Variants in CHCHD6 observed in about 807,000 individuals in gnomAD.
The protein encoded by CHCHD6 is MICOS complex subunit MIC25.
Under a neutral mutation model 32.3 loss-of-function variants are expected in CHCHD6, and 28 were observed. The ratio of observed to expected loss-of-function variants is 0.87; its 90% confidence interval spans 0.64 to 1.19. The LOEUF is 1.19. Ranked by LOEUF, CHCHD6 falls within the 50% of genes most tolerant of loss-of-function variation. The pLI is 0.00. For missense variants in CHCHD6, 333 were observed against 307.0 expected (o/e 1.08, Z -0.63); for synonymous variants, 122 against 117.5 (o/e 1.04, Z -0.25).
chr3:126,807,092 A>C (rs1939426896), intron 4 of CHCHD6, among the ~76,000 whole-genome samples: 1 of 150,890 alleles, frequency 6.6e-6, no homozygotes, highest in African/African-American at 2.4e-5. Context: ...CGATATACCT[A>C]ATGCTAAATG....
chr3:126,873,990 G>A (rs967339897), intron 5 of CHCHD6, among the ~76,000 whole-genome samples: 11 of 152,208 alleles, frequency 7.2e-5, no homozygotes, highest in South Asian at 2.1e-4. Context: ...TTGAAAGGGC[G>A]GGAAGATTTC....
At chr3:126,854,397 G>A (rs903542346) in intron 5 of CHCHD6, among the ~76,000 whole-genome samples, 62 of 152,298 alleles carry the variant, frequency 4.1e-4, no homozygotes, top group African/African-American at 1.5e-3. Context: ...TCAGGAAATG[G>A]AGATTGGTGT....
chr3:126,750,901 C>A (rs966333016), intron 4 of CHCHD6, among the ~76,000 whole-genome samples: 1 of 152,214 alleles, frequency 6.6e-6, no homozygotes, highest in Non-Finnish European at 1.5e-5. Flanking sequence ...TGGCTATGGG[C>A]CCTGCCTTTG....
chr3:126,852,779 T>G, intron 5 of CHCHD6, 49 bp downstream of exon 5: 1 of 1,287,852 alleles, frequency 7.8e-7, no homozygotes, highest in South Asian at 1.2e-5. Context: ...CCTAAAGGCA[T>G]CTGACCAGAA....
chr3:126,841,600 T>C (rs1056039563), intron 4 of CHCHD6, among the ~76,000 whole-genome samples: 4 of 152,130 alleles, frequency 2.6e-5, no homozygotes, highest in African/African-American at 9.7e-5. Context: ...TCTAGTGCCT[T>C]AGTACTCAAA....
chr3:126,884,123 G>A (rs1029183183), intron 5 of CHCHD6, among the ~76,000 whole-genome samples: 2 of 152,112 alleles, frequency 1.3e-5, no homozygotes, highest in African/African-American at 4.8e-5. Flanking sequence ...GCCTTGACTG[G>A]GACACAGCTG....
At position 126,896,911 on chromosome 3, in the gene CHCHD6, T is replaced by G. The variant is rs55808613; in HGVS notation, c.496-17769T>G. On this transcript the variant is annotated intron_variant, in intron 5 of 7. Coordinates refer to ENST00000290913, the MANE Select transcript of CHCHD6 (RefSeq NM_032343.3). Reference sequence around the variant, plus strand: ...CTCCTAAGACTTCTTTCCCAGGCCCTTGCTTTCCTGCATTTTCCCTGTCCC... The same window carrying G: ...CTCCTAAGACTTCTTTCCCAGGCCCGTGCTTTCCTGCATTTTCCCTGTCCC... 7.3e-3 allele frequency among the ~76,000 whole-genome samples: 1,107 copies of G among 152,296 alleles called. 7 individuals carry two copies. Among genetic ancestry groups the G allele is most frequent in the Non-Finnish European group, 0.012 (813 of 68,014 alleles).
chr3:126,785,941 T>G (rs185205242), intron 4 of CHCHD6, among the ~76,000 whole-genome samples: 1 of 152,236 alleles, frequency 6.6e-6, no homozygotes, highest in Non-Finnish European at 1.5e-5. Flanking sequence ...ACTTGTCATT[T>G]ACATTAGGTA....
At chr3:126,760,151 A>G (rs1350162869) in intron 4 of CHCHD6, among the ~76,000 whole-genome samples, 4 of 152,212 alleles carry the variant, frequency 2.6e-5, no homozygotes, top group African/African-American at 9.6e-5. Flanking sequence ...ACATTTCAAC[A>G]TGAGATTTGG....
At chr3:126,956,613 G>A (rs1471383743) in intron 6 of CHCHD6, among the ~76,000 whole-genome samples, 1 of 151,686 alleles carries the variant, frequency 6.6e-6, no homozygotes, top group Non-Finnish European at 1.5e-5. Flanking sequence ...GAGAGAGAGA[G>A]AGAGAGAGAG....
At chr3:126,708,557 A>G (rs1055268710) in intron 1 of CHCHD6, among the ~76,000 whole-genome samples, 1 of 149,866 alleles carries the variant, frequency 6.7e-6, no homozygotes, top group Non-Finnish European at 1.5e-5. Context: ...GTGCAGTGGT[A>G]TGTACCTGTA....
chr3:126,938,101 C>T (rs748562631), intron 6 of CHCHD6, among the ~76,000 whole-genome samples: 9 of 152,202 alleles, frequency 5.9e-5, no homozygotes, highest in Admixed American at 1.3e-4. Flanking sequence ...TCCAGGTCAC[C>T]GTACTCATTC....
intron 4 of CHCHD6, among the ~76,000 whole-genome samples, chr3:126,839,333 T>C (rs1230217468): frequency 1.3e-5 from 2 of 152,188 alleles, no homozygotes; most frequent in Admixed American, 6.5e-5. Context: ...TAAAATTTGT[T>C]CTTTGGACAT....
intron 6 of CHCHD6, chr3:126,953,142 C>T (rs896568898): frequency 7.1e-6 from 7 of 985,316 alleles, no homozygotes; most frequent in Non-Finnish European, 7.2e-6. Flanking sequence ...CCTGATGCAC[C>T]GACCACACAG....
intron 4 of CHCHD6, among the ~76,000 whole-genome samples, chr3:126,800,384 G>A (rs1939007364): frequency 6.6e-6 from 1 of 152,172 alleles, no homozygotes; most frequent in South Asian, 2.1e-4. Context: ...GTGGGTAATT[G>A]AGAAATCCAG....
At chr3:126,887,404 T>G (rs1368756672) in intron 5 of CHCHD6, among the ~76,000 whole-genome samples, 4 of 152,216 alleles carry the variant, frequency 2.6e-5, no homozygotes, top group Non-Finnish European at 4.4e-5. Context: ...TGTCTTGGCT[T>G]CTTAGATTTA....
chr3:126,816,367 G>T (rs1939899252), intron 4 of CHCHD6, among the ~76,000 whole-genome samples: 1 of 152,160 alleles, frequency 6.6e-6, no homozygotes, highest in African/African-American at 2.4e-5. Flanking sequence ...GGTTGTAAGG[G>T]CTTTAGAGCC....
chr3:126,905,375 G>A (rs1369842781), intron 5 of CHCHD6, among the ~76,000 whole-genome samples: 1 of 152,204 alleles, frequency 6.6e-6, no homozygotes, highest in African/African-American at 2.4e-5. Context: ...CTCAAAGCAT[G>A]AACAGGAGTT....
At chr3:126,951,663 A>G (rs775666331) in intron 6 of CHCHD6, among the ~76,000 whole-genome samples, 1 of 152,260 alleles carries the variant, frequency 6.6e-6, no homozygotes, top group African/African-American at 2.4e-5. Context: ...GTATGAGACC[A>G]GGGGCCAGTC....
Sources: allele counts gnomAD v4.1 joint callset (sites outside exome capture counted in the v4.1 genomes callset), GRCh38; gene constraint gnomAD v4.1.1; transcripts MANE v1.5; gene names NCBI Gene and HGNC (gene_info 2026-07-23, HGNC 2026-07-21).